Variants in ROS1 observed in about 807,000 individuals in gnomAD.
ROS1 encodes the protein ROS proto-oncogene 1, receptor tyrosine kinase, also known as proto-oncogene tyrosine-protein kinase ROS.
Under a neutral mutation model 273.5 loss-of-function variants are expected in ROS1, and 263 were observed. That is an observed-to-expected ratio of 0.96 (90% CI 0.87 to 1.06). The LOEUF is 1.06. Among genes scored for constraint, ROS1 ranks in the 50% least tolerant of loss-of-function variants. ROS1 has a pLI of 0.00. For synonymous variants in ROS1, 1,008 were observed against 954.1 expected (o/e 1.06, Z -1.04); for missense variants, 2,833 against 2,751.1 (o/e 1.03, Z -0.67).
chr6:117,365,606 CTG>C lies in ROS1; in HGVS notation c.2931_2932del (p.Tyr977Ter), dbSNP rs1255828711. 6.2e-7 allele frequency: 1 copy of C among 1,613,516 alleles called. No individual in the cohort carries two copies. Reference sequence around the variant, plus strand: ...CTTAGAATGAGCACTAAATTCTACACTGTAGAAAACTACACCCCAGTCTACCG... The same window carrying C: ...CTTAGAATGAGCACTAAATTCTACACTAGAAAACTACACCCCAGTCTACCG... On this transcript the variant is annotated stop_gained and frameshift_variant, in exon 20 of 44. Coordinates refer to ENST00000368507, the MANE Select transcript of ROS1 (RefSeq NM_001378902.1). LOFTEE classifies it high-confidence loss of function.
Position 117,341,152 on chromosome 6 carries a change from A to C in ROS1, c.5044T>G (p.Trp1682Gly), listed in dbSNP as rs2128621358. The C allele has an allele frequency of 6.2e-7, 1 of 1,608,352 alleles. No homozygotes were observed. The highest frequency in any genetic ancestry group is 1.3e-5 in the African/African-American group (1 of 74,708). The change falls in exon 31 of 44, where the codon TGG (tryptophan) becomes GGG (glycine). Residue 1682 changes from tryptophan to glycine, a missense_variant. By Grantham distance (184) the Trp-to-Gly change is radical (BLOSUM62 -2). Coordinates refer to ENST00000368507, the MANE Select transcript of ROS1 (RefSeq NM_001378902.1). Reference protein sequence around the residue: ...APLNVNLIRFWVELQKWKYNE... With the variant: ...APLNVNLIRFGVELQKWKYNE... ...AAGTCTACCTTCTGTAGCTCAACCC[A>C]AAATCTGATGAGGTTAACATTCAAT...
chr6:117,401,277 A>G (rs1016238012), intron 7 of ROS1, among the ~76,000 whole-genome samples: 1 of 152,016 alleles, frequency 6.6e-6, no homozygotes, highest in African/African-American at 2.4e-5. Context: ...TCTATTCTCC[A>G]TGCATCAGCC....
chr6:117,290,192 T>C (rs1182610062), intron 43 of ROS1, among the ~76,000 whole-genome samples: 1 of 152,196 alleles, frequency 6.6e-6, no homozygotes, highest in African/African-American at 2.4e-5. Context: ...TTTTAAACTT[T>C]TTTGCTTATT....
At chr6:117,299,002 T>A (rs537955808) in intron 43 of ROS1, among the ~76,000 whole-genome samples, 1 of 49,946 alleles carries the variant, frequency 2.0e-5, no homozygotes, top group African/African-American at 1.2e-4. Context: ...GGCAAGTATA[T>A]ATATAGAGAG....
rs1194791759 is a variant in ROS1, at chr6:117,313,936, G to A, written c.6118-2819C>T. Among the ~76,000 whole-genome samples, 3 of 152,062 alleles carry A rather than the reference G, an allele frequency of 2.0e-5. No homozygotes were observed. The East Asian group carries it at 5.8e-4, about 29-fold the overall frequency. On this transcript the variant is annotated intron_variant, in intron 39 of 43. Transcript: ENST00000368507. ...GTTGCAGCGAAGGAGACGAAGCCCT[G>A]GAAGCTGTTTTTGGCAACCACCAGG...
intron 18 of ROS1, among the ~76,000 whole-genome samples, chr6:117,370,726 A>T (rs1780697506): frequency 6.6e-6 from 1 of 152,078 alleles, no homozygotes; most frequent in South Asian, 2.1e-4. Context: ...CATGTAAAAA[A>T]ATGCATATTT....
At chr6:117,421,658 C>T (rs1775767778) in intron 1 of ROS1, among the ~76,000 whole-genome samples, 1 of 152,140 alleles carries the variant, frequency 6.6e-6, no homozygotes, top group Admixed American at 6.6e-5. Context: ...TTTATCCACT[C>T]ATCAGTTGAT....
At chr6:117,397,269 G>A (rs1318634699) in intron 7 of ROS1, among the ~76,000 whole-genome samples, 153 bp from the exon 8 acceptor site, 1 of 151,870 alleles carries the variant, frequency 6.6e-6, no homozygotes, top group Non-Finnish European at 1.5e-5. Context: ...GAGGAAAGGT[G>A]GTAAGATGTC....
intron 32 of ROS1, among the ~76,000 whole-genome samples, chr6:117,332,550 G>C (rs1562280704): frequency 1.3e-5 from 2 of 152,052 alleles, no homozygotes; most frequent in East Asian, 3.9e-4. Flanking sequence ...ACATTCTTCT[G>C]AGTGCCACAT....
In ROS1 at chr6:117,372,285, T is replaced by A. The variant is rs374938756; in HGVS notation, c.2583-5995A>T. ...CAAAAAGAAAGAAAGGGCATCCAAA[T>A]CAGTAAAGAGGAAGTCATACTATCA... is the stretch of plus-strand genomic sequence containing the variant. On this transcript the variant is annotated intron_variant, in intron 18 of 43. Transcript: ENST00000368507. Among the ~76,000 whole-genome samples, 19 of 152,242 alleles carry A rather than the reference T, an allele frequency of 1.2e-4. No homozygotes were observed. In the East Asian group the frequency reaches 2.5e-3, roughly 20 times the overall value.
Position 117,301,098 on chromosome 6 carries a change from G to A in ROS1, c.6591C>T (p.Asp2197=), listed in dbSNP as rs1774687631. Residue 2197 remains aspartate (D), a synonymous_variant, in exon 43 of 44, where the codon GAC becomes GAT. Coordinates refer to ENST00000368507, the MANE Select transcript of ROS1 (RefSeq NM_001378902.1). ...LMTQCWAQEP[D]QRPTFHRIQD... ...GAATTCTATGAAAAGTAGGTCTTTG[G>A]TCGGGTTCTTGAGCCCAGCACTGGG... The A allele has an allele frequency of 6.2e-7, 1 of 1,600,906 alleles. No homozygotes were observed. The highest frequency in any genetic ancestry group is 2.3e-5 in the East Asian group (1 of 44,294).
chr6:117,372,330 T>C (rs140746338), intron 18 of ROS1, among the ~76,000 whole-genome samples: 1 of 152,172 alleles, frequency 6.6e-6, no homozygotes, highest in Non-Finnish European at 1.5e-5. Context: ...GATAACATGA[T>C]CATATATCTA....
intron 18 of ROS1, among the ~76,000 whole-genome samples, chr6:117,366,681 T>C (rs1433241523): frequency 1.3e-5 from 2 of 152,064 alleles, no homozygotes; most frequent in East Asian, 3.9e-4. Context: ...GCCTGGCTAA[T>C]TTTTTGTATT....
chr6:117,414,611 G>A (rs1398488680), intron 3 of ROS1, 66 bp from the exon 4 acceptor site: 5 of 686,102 alleles, frequency 7.3e-6, no homozygotes, highest in East Asian at 5.2e-5. Context: ...GTGACACTGA[G>A]CTGTACAATC....
chr6:117,394,392 G>T, intron 10 of ROS1, 46 bp from the exon 11 acceptor site: 1 of 1,346,778 alleles, frequency 7.4e-7, no homozygotes, highest in Non-Finnish European at 9.7e-7. Context: ...ATAACAACCA[G>T]GACAAAAAAC....
chr6:117,292,688 C>T (rs540583771), intron 43 of ROS1, among the ~76,000 whole-genome samples: 2 of 152,316 alleles, frequency 1.3e-5, no homozygotes, highest in East Asian at 1.9e-4. Context: ...TGGACTTCTC[C>T]GCTTAGATAT....
intron 22 of ROS1, 114 bp downstream of exon 22, chr6:117,362,489 A>G (rs999911972): frequency 4.2e-6 from 4 of 950,746 alleles, no homozygotes; most frequent in Middle Eastern, 2.5e-4. Context: ...GTGGCCAATC[A>G]AAATCTAGGT....
rs575187153 is a variant in ROS1 at position 117,329,437 on chromosome 6, G to C, written c.5240C>G (p.Pro1747Arg). ...TAATTTGGGAATGCCTGGTTTATTTGGGACTCCAGCTTTAGGGAAAAAAAG... is the reference window on the plus strand; with the variant it reads ...TAATTTGGGAATGCCTGGTTTATTTCGGACTCCAGCTTTAGGGAAAAAAAG... ...PESFKTKAGV[P>R]NKPGIPKLLE... is the part of the protein sequence containing the mutation. Residue 1747 changes from proline (P) to arginine (R), a missense_variant, in exon 33 of 44, where the codon CCA becomes CGA. By Grantham distance (103) the Pro-to-Arg change is moderately radical. Transcript: ENST00000368507. 1 of 1,542,334 alleles carries C rather than the reference G, an allele frequency of 6.5e-7. No homozygotes were observed. Among genetic ancestry groups the C allele is most frequent in the South Asian group, 1.1e-5 (1 of 88,068 alleles).
chr6:117,418,197 C>A (rs967169263), intron 2 of ROS1, among the ~76,000 whole-genome samples: 5 of 152,210 alleles, frequency 3.3e-5, no homozygotes, highest in African/African-American at 7.2e-5. Context: ...AAAACTAAAT[C>A]TCAGAAAAAT....
Sources: allele counts gnomAD v4.1 joint callset (sites outside exome capture counted in the v4.1 genomes callset), GRCh38; gene constraint gnomAD v4.1.1; transcripts MANE v1.5; gene names NCBI Gene and HGNC (gene_info 2026-07-23, HGNC 2026-07-21).